PREP: variants seen among roughly 807,000 people sequenced by gnomAD.
The protein encoded by PREP is prolyl endopeptidase.
Under a neutral mutation model 87.6 loss-of-function variants are expected in PREP, and 29 were observed. The ratio of observed to expected loss-of-function variants is 0.33; its 90% CI spans 0.25 to 0.45. The LOEUF (loss-of-function observed/expected upper bound fraction) is 0.45, where lower values mean the gene tolerates loss of function less well. Among genes scored for constraint, PREP ranks in the 20% least tolerant of loss-of-function variants. The pLI is 1.00. For missense variants in PREP, 695 were observed against 886.5 expected (o/e 0.78, Z 2.74); for synonymous variants, 337 against 328.6 (o/e 1.03, Z -0.28).
rs1771250689 is a variant in PREP at position 105,329,041 on chromosome 6, A to G, written c.1016-15T>C. 6.2e-7 allele frequency: 1 copy of G among 1,606,280 alleles called. No individual in the cohort carries two copies. The highest frequency in any genetic ancestry group is 8.5e-7 in the Non-Finnish European group (1 of 1,173,208). On this transcript the variant is annotated splice_polypyrimidine_tract_variant and intron_variant, in intron 8 of 14. Coordinates refer to ENST00000652536, the MANE Select transcript of PREP (RefSeq NM_002726.5). ...AGCTATCCATTCTGAAAGGATAAGAAGAGAAAAAACCTAATGCAATTTAAA... is the reference window on the plus strand; with the variant it reads ...AGCTATCCATTCTGAAAGGATAAGAGGAGAAAAAACCTAATGCAATTTAAA...
intron 1 of PREP, among the ~76,000 whole-genome samples, chr6:105,398,303 G>A (rs576923451): frequency 2.2e-4 from 34 of 152,314 alleles, no homozygotes; most frequent in African/African-American, 7.2e-4. Context: ...AGAAGGGCAC[G>A]TCAGGGAGGG....
At chr6:105,352,705 C>A (rs939839316) in intron 7 of PREP, among the ~76,000 whole-genome samples, 5 of 152,260 alleles carry the variant, frequency 3.3e-5, no homozygotes, top group Middle Eastern at 3.4e-3. Flanking sequence ...CTCCTTCACG[C>A]TCTTCATGTG....
chr6:105,389,683 T>C (rs762415689), intron 2 of PREP, among the ~76,000 whole-genome samples: 12 of 152,118 alleles, frequency 7.9e-5, no homozygotes, highest in Non-Finnish European at 1.8e-4. Context: ...GAAAACGTAG[T>C]GGCCAGATGG....
rs571542356 is a variant in PREP, at chr6:105,274,427, A to G, written c.*3717T>C. 1.3e-4 allele frequency among the ~76,000 whole-genome samples: 20 copies of G among 152,240 alleles called. No homozygotes were observed. The highest frequency in any genetic ancestry group is 4.8e-4 in the African/African-American group (20 of 41,542). On this transcript the variant is annotated 3_prime_UTR_variant, in exon 15 of 15. Coordinates refer to ENST00000652536, the MANE Select transcript of PREP (RefSeq NM_002726.5). Reference sequence around the variant, plus strand: ...TCACTTTGGGATTTACGATTTCAACATATACATTTCGGGGAGGACATAAAC... The same window carrying G: ...TCACTTTGGGATTTACGATTTCAACGTATACATTTCGGGGAGGACATAAAC...
At chr6:105,299,697 C>T (rs560361058) in intron 10 of PREP, among the ~76,000 whole-genome samples, 1 of 152,240 alleles carries the variant, frequency 6.6e-6, no homozygotes, top group South Asian at 2.1e-4. Context: ...TACTATATCA[C>T]AAAGTAATTA....
intron 7 of PREP, among the ~76,000 whole-genome samples, chr6:105,345,226 T>C (rs1771766151): frequency 6.6e-6 from 1 of 152,220 alleles, no homozygotes; most frequent in African/African-American, 2.4e-5. Flanking sequence ...GAAAATTACT[T>C]TTTAAAAAGA....
chr6:105,297,794 T>C (rs1357357471), intron 10 of PREP, among the ~76,000 whole-genome samples: 3 of 152,234 alleles, frequency 2.0e-5, no homozygotes, highest in African/African-American at 7.2e-5. Context: ...AGTTGTACAA[T>C]AGATCCAGTT....
chr6:105,366,803 T>TA (rs1481492239), intron 6 of PREP, among the ~76,000 whole-genome samples: 1 of 152,212 alleles, frequency 6.6e-6, no homozygotes, highest in Non-Finnish European at 1.5e-5. Context: ...TTGAAGATGT[T>TA]ACGCTAAATG....
At chr6:105,284,255 C>T (rs566392600) in intron 12 of PREP, among the ~76,000 whole-genome samples, 5 of 152,168 alleles carry the variant, frequency 3.3e-5, no homozygotes, top group East Asian at 1.9e-4. Flanking sequence ...ACCAGATGGC[C>T]GGCCAGGGGC....
At chr6:105,361,575 G>A (rs1170502775) in intron 6 of PREP, among the ~76,000 whole-genome samples, 1 of 152,112 alleles carries the variant, frequency 6.6e-6, no homozygotes. Flanking sequence ...CGTAAAAAAA[G>A]CATTCTAAAA....
intron 7 of PREP, among the ~76,000 whole-genome samples, chr6:105,343,294 T>C (rs1227378062): frequency 6.6e-6 from 1 of 152,190 alleles, no homozygotes; most frequent in Non-Finnish European, 1.5e-5. Context: ...CCCTATTTAA[T>C]AAATGGTGCT....
intron 10 of PREP, 99 bp downstream of exon 10, chr6:105,323,566 G>T: frequency 9.1e-7 from 1 of 1,094,212 alleles, no homozygotes; most frequent in Non-Finnish European, 1.4e-6. Flanking sequence ...TAGTTGTCAT[G>T]AATTACCTCC....
intron 2 of PREP, among the ~76,000 whole-genome samples, chr6:105,378,119 T>G (rs1200509292): frequency 6.6e-6 from 1 of 152,182 alleles, no homozygotes; most frequent in African/African-American, 2.4e-5. Flanking sequence ...ACCATGTTAA[T>G]TTCAATCAGA....
chr6:105,281,652 T>C, intron 14 of PREP, 94 bp downstream of exon 14: 2 of 1,446,830 alleles, frequency 1.4e-6, no homozygotes, highest in Non-Finnish European at 1.9e-6. Context: ...TGCAAGACCC[T>C]GACAGTGACA....
chr6:105,393,736 C>T (rs975041793), intron 2 of PREP, among the ~76,000 whole-genome samples: 11 of 152,054 alleles, frequency 7.2e-5, no homozygotes, highest in African/African-American at 2.7e-4. Flanking sequence ...TTTTCCATTA[C>T]AAGTCTTCTC....
chr6:105,285,041 C>G (rs1000209511), intron 12 of PREP, among the ~76,000 whole-genome samples: 1 of 152,198 alleles, frequency 6.6e-6, no homozygotes, highest in African/African-American at 2.4e-5. Context: ...ACACTGGGAA[C>G]AGAAAGCTCC....
At chr6:105,375,004 C>T (rs554556218) in intron 4 of PREP, among the ~76,000 whole-genome samples, 201 of 152,116 alleles carry the variant, frequency 1.3e-3, no homozygotes, top group African/African-American at 4.5e-3. Context: ...TAAATGAATT[C>T]CTATATGGGA....
chr6:105,351,154 A>G (rs1771941693), intron 7 of PREP, among the ~76,000 whole-genome samples: 1 of 152,192 alleles, frequency 6.6e-6, no homozygotes, highest in Non-Finnish European at 1.5e-5. Context: ...TGTTGCTGTG[A>G]AAGTATTTTG....
chr6:105,299,456 A>G (rs1030299678), intron 10 of PREP, among the ~76,000 whole-genome samples: 2 of 152,190 alleles, frequency 1.3e-5, no homozygotes, highest in African/African-American at 2.4e-5. Context: ...AAACTTAGCC[A>G]GGCATGGTGG....
Sources: gnomAD v4.1 joint callset for allele counts (sites outside exome capture counted in the v4.1 genomes callset) on GRCh38, gnomAD v4.1.1 for gene constraint, MANE v1.5 for transcripts, NCBI Gene and HGNC (gene_info 2026-07-23, HGNC 2026-07-21) for gene names.